The following SHANK2 variants were observed in gnomAD, a reference collection of about 807,000 sequenced individuals.
SHANK2 encodes SH3 and multiple ankyrin repeat domains 2.
SHANK2 carries 43 observed loss-of-function variants against 133.7 expected under a neutral mutation model. The ratio of observed to expected loss-of-function variants is 0.32; its 90% CI spans 0.25 to 0.41. The LOEUF (loss-of-function observed/expected upper bound fraction) is 0.41, where lower values mean the gene tolerates loss of function less well. SHANK2 is among the 10% of genes least tolerant of loss of function. SHANK2 has a pLI of 1.00. For missense variants in SHANK2, 1,994 were observed against 2,235.8 expected (o/e 0.89, Z 2.18); for synonymous variants, 1,017 against 952.8 (o/e 1.07, Z -1.24).
chr11:70,489,086 C>T, intron 24 of SHANK2: 1 of 531,770 alleles, frequency 1.9e-6, no homozygotes. Flanking sequence ...GGACAAACTA[C>T]AATAATTTAT....
intron 9 of SHANK2, among the ~76,000 whole-genome samples, chr11:71,063,105 G>A (rs1951007961): frequency 6.6e-6 from 1 of 151,364 alleles, no homozygotes; most frequent in African/African-American, 2.4e-5. Flanking sequence ...GGGAGGGAGG[G>A]AAAAGAAAGA....
At chr11:70,497,563 C>T (rs746948142) in intron 21 of SHANK2, among the ~76,000 whole-genome samples, 1 of 152,160 alleles carries the variant, frequency 6.6e-6, no homozygotes, top group East Asian at 1.9e-4. Context: ...CTACTAGATA[C>T]GTGATGCTGA....
chr11:70,817,606 G>T lies in SHANK2; in HGVS notation c.1493+2758C>A, dbSNP rs192459577. Among the ~76,000 whole-genome samples, 7 of 152,298 alleles carry T rather than the reference G, an allele frequency of 4.6e-5. No individual in the cohort carries two copies. In the East Asian group the frequency reaches 1.3e-3, roughly 29 times the overall value. On this transcript the variant is annotated intron_variant, in intron 12 of 25. Transcript: ENST00000601538. ...AGGGGACAGTCTTGGCCGAGCTCTG[G>T]GTCTTGGGTTGGACATGGACCTGGG... is the stretch of plus-strand genomic sequence containing the variant.
intron 17 of SHANK2, among the ~76,000 whole-genome samples, chr11:70,555,006 C>T (rs2059812706): frequency 6.6e-6 from 1 of 151,534 alleles, no homozygotes; most frequent in African/African-American, 2.4e-5. Flanking sequence ...ATCTCTGTGT[C>T]ACATGTTGGA....
intron 14 of SHANK2, among the ~76,000 whole-genome samples, chr11:70,772,306 GGC>G (rs1487088668): frequency 1.3e-5 from 2 of 151,916 alleles, no homozygotes; most frequent in African/African-American, 4.8e-5. Flanking sequence ...TGGGGGTGGT[GGC>G]GCGCGCCTGT....
intron 10 of SHANK2, 51 bp from the exon 11 acceptor site, chr11:70,896,618 T>A (rs1299230303): frequency 1.4e-6 from 1 of 716,022 alleles, no homozygotes; most frequent in Non-Finnish European, 2.6e-6. Context: ...GAACAATGAT[T>A]TCTGCATATA....
At chr11:71,250,498 G>A (rs1330905629) in intron 1 of SHANK2, among the ~76,000 whole-genome samples, 6 of 152,144 alleles carry the variant, frequency 3.9e-5, no homozygotes, top group African/African-American at 1.4e-4. Context: ...CCCCCTCTTA[G>A]AGCAGACACG....
At chr11:70,791,317 A>G (rs1273841287) in intron 14 of SHANK2, among the ~76,000 whole-genome samples, 2 of 152,204 alleles carry the variant, frequency 1.3e-5, no homozygotes, top group Non-Finnish European at 2.9e-5. Flanking sequence ...CCTAAACTCC[A>G]GCAGGATGGG....
intron 21 of SHANK2, among the ~76,000 whole-genome samples, chr11:70,498,758 C>T (rs868913654): frequency 2.6e-5 from 4 of 152,240 alleles, no homozygotes; most frequent in Non-Finnish European, 2.9e-5. Flanking sequence ...ACAATGGAAA[C>T]GTATCCCTGC....
chr11:70,577,786 C>T (rs554685081), intron 17 of SHANK2, among the ~76,000 whole-genome samples: 1 of 152,294 alleles, frequency 6.6e-6, no homozygotes, highest in South Asian at 2.1e-4. Context: ...ACAGTCCCGA[C>T]CCCCACAACC....
At chr11:70,950,463 T>G (rs2135891018) in intron 10 of SHANK2, among the ~76,000 whole-genome samples, 1 of 152,310 alleles carries the variant, frequency 6.6e-6, no homozygotes, top group East Asian at 1.9e-4. Flanking sequence ...AGTGCTGGGA[T>G]TACAGGCGTG....
At chr11:70,741,340 TATCCATCCATCCATCC>T (rs111526364) in intron 14 of SHANK2, among the ~76,000 whole-genome samples, 4 of 148,932 alleles carry the variant, frequency 2.7e-5, no homozygotes, top group Admixed American at 6.7e-5. Flanking sequence ...CCCATCTATC[TATCCATCCATCCATCC>T]ATCCATCCAT....
chr11:70,694,560 G>A (rs1283482618), intron 15 of SHANK2, among the ~76,000 whole-genome samples: 1 of 152,220 alleles, frequency 6.6e-6, no homozygotes, highest in Non-Finnish European at 1.5e-5. Flanking sequence ...TTGGCCCACA[G>A]GGCTGGCACT....
intron 2 of SHANK2, among the ~76,000 whole-genome samples, chr11:71,165,539 A>C (rs1199108635): frequency 6.6e-6 from 1 of 152,104 alleles, no homozygotes; most frequent in Non-Finnish European, 1.5e-5. Context: ...TGAAGAATGA[A>C]GCCCGAACAC....
chr11:70,559,157 T>C (rs180902743), intron 17 of SHANK2, among the ~76,000 whole-genome samples: 4 of 152,226 alleles, frequency 2.6e-5, no homozygotes, highest in African/African-American at 9.6e-5. Flanking sequence ...TCGCTGGGAT[T>C]ACAGGCACCT....
In SHANK2 at chr11:70,680,035, G is replaced by C. The variant is rs190280639; in HGVS notation, c.1854-18357C>G. Among the ~76,000 whole-genome samples the C allele has an allele frequency of 3.2e-4, 49 of 152,320 alleles. No homozygotes were observed. The East Asian group carries it at 4.4e-3, about 14-fold the overall frequency. On this transcript the variant is annotated intron_variant, in intron 15 of 25. Coordinates refer to ENST00000601538, the MANE Select transcript of SHANK2 (RefSeq NM_012309.5). ...GAGCAGGCAGCATGCAGTCTGCACA[G>C]TCTGAGAGAGGCGGCATTTCCTGTC...
At chr11:70,869,617 A>G (rs1303111985) in intron 11 of SHANK2, among the ~76,000 whole-genome samples, 1 of 151,826 alleles carries the variant, frequency 6.6e-6, no homozygotes, top group Admixed American at 6.6e-5. Flanking sequence ...CGTCCACAGC[A>G]CTCTGTCTGC....
intron 2 of SHANK2, among the ~76,000 whole-genome samples, chr11:71,213,285 T>G (rs910191357): frequency 6.6e-6 from 1 of 152,164 alleles, no homozygotes; most frequent in Non-Finnish European, 1.5e-5. Context: ...CAGCTGTGCC[T>G]GCCAACAACT....
intron 15 of SHANK2, among the ~76,000 whole-genome samples, chr11:70,682,124 T>C (rs782743400): frequency 7.9e-5 from 12 of 152,178 alleles, no homozygotes; most frequent in Non-Finnish European, 1.8e-4. Context: ...GTTCCAGGAC[T>C]GATCCGACAG....
Sources: allele counts gnomAD v4.1 joint callset (sites outside exome capture counted in the v4.1 genomes callset), GRCh38; gene constraint gnomAD v4.1.1; transcripts MANE v1.5; gene names NCBI Gene and HGNC (gene_info 2026-07-23, HGNC 2026-07-21).